MRPS23: variants seen among roughly 807,000 people sequenced by gnomAD.
MRPS23 encodes small ribosomal subunit protein mS23.
In MRPS23, 14 loss-of-function variants were observed where a neutral mutation model predicts 19.8. That is an observed-to-expected ratio of 0.71 (90% CI 0.47 to 1.11). The LOEUF is 1.11. MRPS23 is among the 50% of genes least tolerant of loss of function. The pLI is 0.00. For synonymous variants in MRPS23, 113 were observed against 89.7 expected (o/e 1.26, Z -1.47); for missense variants, 242 against 236.7 (o/e 1.02, Z -0.15).
rs1451917248 is a variant in MRPS23, at chr17:57,840,740, T to C, written c.420+186A>G. On this transcript the variant is annotated intron_variant, in intron 4 of 4. Transcript: ENST00000313608. The stretch of plus-strand genomic sequence containing the variant: ...TTTACAATGTGTTATGTATTATAAA[T>C]GATTTAGAGATGATTAAAGTATATG... 5 of 530,544 alleles carry C rather than the reference T, an allele frequency of 9.4e-6. No homozygotes were observed. The Admixed American group carries it at 1.5e-4, about 16-fold the overall frequency. The allele number at this position is 530,544 out of a possible 1,614,324, so 32.9% of individuals were successfully genotyped here. A position where few individuals can be genotyped will look rare whatever the true frequency, so the allele number is the denominator to read the frequency against.
At chr17:57,841,641 C>T (rs534796130) in intron 2 of MRPS23, among the ~76,000 whole-genome samples, 1 of 152,198 alleles carries the variant, frequency 6.6e-6, no homozygotes, top group Non-Finnish European at 1.5e-5. Context: ...GAATAGTAAA[C>T]CTTGCTCTAC....
intron 2 of MRPS23, 105 bp downstream of exon 2, chr17:57,849,135 G>C: frequency 2.0e-6 from 3 of 1,467,634 alleles, no homozygotes; most frequent in East Asian, 4.6e-5. Context: ...TTCTCCACAG[G>C]GCAAACCCCT....
chr17:57,849,159 G>A (rs2144880958), intron 2 of MRPS23, 81 bp downstream of exon 2: 1 of 1,537,638 alleles, frequency 6.5e-7, no homozygotes, highest in Non-Finnish European at 8.8e-7. Flanking sequence ...TCAATTTCAT[G>A]TTTGAATTCC....
In MRPS23 at chr17:57,837,792, A is replaced by C. The variant is rs954993778; in HGVS notation, c.*1991T>G. On this transcript the variant is annotated 3_prime_UTR_variant, in exon 5 of 5. Coordinates refer to ENST00000313608, the MANE Select transcript of MRPS23 (RefSeq NM_016070.4). ...ACCAGGCCAGCCTGGGCAACATAGCAAGACTCCATCTCTACAAAAAAAAAC... is the reference window on the plus strand; with the variant it reads ...ACCAGGCCAGCCTGGGCAACATAGCCAGACTCCATCTCTACAAAAAAAAAC... The C allele has an allele frequency of 6.6e-6, 1 of 152,622 alleles. No individual in the cohort carries two copies. Among genetic ancestry groups the C allele is most frequent in the Non-Finnish European group, 1.4e-5 (1 of 69,198 alleles). The allele number at this position is 152,622 out of a possible 1,614,324, so 9.5% of individuals were successfully genotyped here. A position where few individuals can be genotyped will look rare whatever the true frequency, so the allele number is the denominator to read the frequency against.
rs769913765 is a variant in MRPS23 at position 57,849,223 on chromosome 17, C to T, written c.215+17G>A. 6.2e-7 allele frequency: 1 copy of T among 1,613,442 alleles called. No individual in the cohort carries two copies. The highest frequency in any genetic ancestry group is 8.5e-7 in the Non-Finnish European group (1 of 1,179,582). On this transcript the variant is annotated intron_variant, in intron 2 of 4. Coordinates refer to ENST00000313608, the MANE Select transcript of MRPS23 (RefSeq NM_016070.4). Reference sequence around the variant, plus strand: ...AAGTTCTGTTGCCTCCTGTCCACTACAGGGCTGAGCACTCACGCTCTAATC... The same window carrying T: ...AAGTTCTGTTGCCTCCTGTCCACTATAGGGCTGAGCACTCACGCTCTAATC...
chr17:57,839,860 C>T lies in MRPS23; in HGVS notation c.496G>A (p.Glu166Lys), dbSNP rs779474436. The part of the protein sequence containing the change: ...VRPQTALEEN[E>K]TQKEVPQDQH... ...TCCTGTGGAACTTCTTTCTGAGTCT[C>T]GTTTTCTTCCAACGCAGTCTGTGGT... Residue 166 changes from glutamate (E) to lysine (K), a missense_variant, in exon 5 of 5, where the codon GAG (glutamate) becomes AAG (lysine). Coordinates refer to ENST00000313608, the MANE Select transcript of MRPS23 (RefSeq NM_016070.4). 3.1e-6 allele frequency: 5 copies of T among 1,614,222 alleles called. No homozygotes were observed. The highest frequency in any genetic ancestry group is 1.3e-5 in the African/African-American group (1 of 75,062).
chr17:57,849,102 T>A, intron 2 of MRPS23, 138 bp downstream of exon 2: 1 of 1,044,722 alleles, frequency 9.6e-7, no homozygotes, highest in Non-Finnish European at 1.4e-6. Flanking sequence ...GGGTGCTGCC[T>A]CCCTAATTTG....
Position 57,839,560 on chromosome 17 carries a change from T to C in MRPS23, c.*223A>G, listed in dbSNP as rs1250737632. On this transcript the variant is annotated 3_prime_UTR_variant, in exon 5 of 5. Transcript: ENST00000313608. ...AAAGTAAATTTACTTTATAAGCAGC[T>C]AGGGAATTCTTTATTTAGTAATGTC... 3 of 406,532 alleles carry C rather than the reference T, an allele frequency of 7.4e-6. No homozygotes were observed. In the Admixed American group the frequency reaches 1.2e-4, roughly 16 times the overall value. 25.2% of individuals were successfully genotyped at this position (406,532 alleles called of 1,614,324 possible).
chr17:57,842,376 C>T (rs2073744907), intron 2 of MRPS23, among the ~76,000 whole-genome samples: 1 of 152,214 alleles, frequency 6.6e-6, no homozygotes, highest in African/African-American at 2.4e-5. Context: ...AGCTGTGCAA[C>T]TAGCACCTCT....
intron 2 of MRPS23, among the ~76,000 whole-genome samples, chr17:57,842,891 T>TATACACACACACACACAC (rs1172458239): frequency 2.6e-5 from 2 of 76,570 alleles, no homozygotes; most frequent in African/African-American, 1.0e-4. Context: ...TATATATATA[T>TATACACACACACACACAC]ACACACACAC....
At position 57,844,374 on chromosome 17, in the gene MRPS23, A is replaced by C. The variant is rs150057318; in HGVS notation, c.216-3114T>G. ...GATAAAGGTTCAATAAATTATATAA[A>C]TACAAGATAATATTTTGGTGTTAAT... On this transcript the variant is annotated intron_variant, in intron 2 of 4. Transcript: ENST00000313608. Among the ~76,000 whole-genome samples the C allele has an allele frequency of 8.1e-3, 1,231 of 151,712 alleles. 6 individuals are homozygous for C. Among genetic ancestry groups the C allele is most frequent in the African/African-American group, 0.027 (1,112 of 41,486 alleles).
At chr17:57,840,098 G>A (rs568914845) in intron 4 of MRPS23, among the ~76,000 whole-genome samples, 163 bp from the exon 5 acceptor site, 23 of 152,312 alleles carry the variant, frequency 1.5e-4, no homozygotes, top group African/African-American at 5.5e-4. Context: ...ATTTTAAAAA[G>A]TCTATAGGGC....
chr17:57,847,266 C>A (rs931455812), intron 2 of MRPS23, among the ~76,000 whole-genome samples: 14 of 148,482 alleles, frequency 9.4e-5, no homozygotes, highest in Non-Finnish European at 1.8e-4. Flanking sequence ...GCACTCCAGC[C>A]TGGGTGGCAG....
intron 2 of MRPS23, among the ~76,000 whole-genome samples, chr17:57,841,519 C>T (rs1220093256): frequency 6.6e-6 from 1 of 152,180 alleles, no homozygotes; most frequent in Non-Finnish European, 1.5e-5. Context: ...CAGTTCCCTT[C>T]CCAGGAAGCA....
intron 2 of MRPS23, among the ~76,000 whole-genome samples, chr17:57,846,450 C>A (rs2073776308): frequency 6.6e-6 from 1 of 152,014 alleles, no homozygotes; most frequent in Non-Finnish European, 1.5e-5. Context: ...GCCATGATGA[C>A]GATGGGGGTT....
chr17:57,841,318 G>T (rs2073738671), intron 2 of MRPS23, 58 bp from the exon 3 acceptor site: 2 of 1,532,614 alleles, frequency 1.3e-6, no homozygotes, highest in African/African-American at 1.4e-5. Flanking sequence ...GATGAGAATG[G>T]AATAAAAGAA....
At chr17:57,842,231 C>G (rs2073744142) in intron 2 of MRPS23, among the ~76,000 whole-genome samples, 1 of 152,172 alleles carries the variant, frequency 6.6e-6, no homozygotes, top group African/African-American at 2.4e-5. Context: ...CCAGGCTGGT[C>G]TTGAACTGCT....
intron 2 of MRPS23, among the ~76,000 whole-genome samples, chr17:57,846,088 T>TG (rs1429190981): frequency 6.6e-6 from 1 of 151,262 alleles, no homozygotes; most frequent in Non-Finnish European, 1.5e-5. Context: ...TCTTTGTTTT[T>TG]TTTTTTTGTA....
chr17:57,841,104 C>T lies in MRPS23; in HGVS notation c.294-52G>A, dbSNP rs371312391. 91 of 1,610,628 alleles carry T rather than the reference C, an allele frequency of 5.6e-5. No individual in the cohort carries two copies. The Admixed American group carries it at 9.6e-4, about 17-fold the overall frequency. ...GGTATGTTTGTAAGCATTGTTAAGA[C>T]GCTGTTACACAATATCAAATGGATA... On this transcript the variant is annotated intron_variant, in intron 3 of 4. Coordinates refer to ENST00000313608, the MANE Select transcript of MRPS23 (RefSeq NM_016070.4).
Sources: gnomAD v4.1 joint callset for allele counts (sites outside exome capture counted in the v4.1 genomes callset) on GRCh38, gnomAD v4.1.1 for gene constraint, MANE v1.5 for transcripts, NCBI Gene and HGNC (gene_info 2026-07-23, HGNC 2026-07-21) for gene names.